Variants in KRT222 observed in about 807,000 individuals in gnomAD.
KRT222 encodes keratin-like protein KRT222.
A neutral mutation model predicts 35.0 loss-of-function variants in KRT222; 23 were observed. The observed-to-expected ratio is 0.66, with a 90% confidence interval of 0.47 to 0.93. The LOEUF (loss-of-function observed/expected upper bound fraction) is 0.93. Among genes scored for constraint, KRT222 ranks in the 40% least tolerant of loss-of-function variants. The pLI is 0.00. For synonymous variants in KRT222, 108 were observed against 118.8 expected (o/e 0.91, Z 0.59); for missense variants, 339 against 346.3 (o/e 0.98, Z 0.17).
Position 40,657,765 on chromosome 17 carries a change from AATTTT to A in KRT222, c.447-20_447-16del. ...AACCATAATATCTGAAATCAGAAAG[AATTTT>A]ATTTTAAGAGCAACACTGTATCAGC... On this transcript the variant is annotated splice_polypyrimidine_tract_variant and intron_variant, in intron 3 of 5. Coordinates refer to ENST00000394052, the MANE Select transcript of KRT222 (RefSeq NM_152349.3). 6.3e-7 allele frequency: 1 copy of A among 1,577,392 alleles called. No homozygotes were observed. Among genetic ancestry groups the A allele is most frequent in the Non-Finnish European group, 8.7e-7 (1 of 1,148,752 alleles).
chr17:40,663,658 T>A (rs1483316946), intron 1 of KRT222, among the ~76,000 whole-genome samples: 4 of 152,172 alleles, frequency 2.6e-5, no homozygotes, highest in South Asian at 4.1e-4. Context: ...TTTAGAAATT[T>A]AAAAAAATAA....
At chr17:40,662,395 G>C (rs952894700) in intron 1 of KRT222, among the ~76,000 whole-genome samples, 1 of 152,168 alleles carries the variant, frequency 6.6e-6, no homozygotes, top group African/African-American at 2.4e-5. Context: ...CTAGGAGGAA[G>C]GATTGAAAAT....
chr17:40,656,561 C>T lies in KRT222; in HGVS notation c.729G>A (p.Arg243=), dbSNP rs200149903. Residue 243 remains arginine, a synonymous_variant, in exon 6 of 6, where the codon AGG becomes AGA. Transcript: ENST00000394052. ...GSFFKDNPRL[R]KKSVSLRFDL... is the part of the protein sequence containing the mutation. ...CAAATCGAAGAGAAACAGACTTTTT[C>T]CTCAATCGAGGGTTATCTTTAAAGA... 6.2e-7 allele frequency: 1 copy of T among 1,613,788 alleles called. No homozygotes were observed. The highest frequency in any genetic ancestry group is 8.5e-7 in the Non-Finnish European group (1 of 1,179,806).
intron 2 of KRT222, 80 bp from the exon 3 acceptor site, chr17:40,660,287 T>A: frequency 9.4e-7 from 1 of 1,066,870 alleles, no homozygotes; most frequent in Non-Finnish European, 1.3e-6. Flanking sequence ...TCTTCATCTT[T>A]TTTTTTTTTT....
intron 4 of KRT222, 88 bp from the exon 5 acceptor site, chr17:40,657,575 T>C: frequency 1.4e-6 from 2 of 1,399,038 alleles, no homozygotes; most frequent in Non-Finnish European, 1.9e-6. Flanking sequence ...AAATATTGCT[T>C]GTTTTTTTTC....
rs909027230 is a variant in KRT222 at position 40,655,039 on chromosome 17, A to G, written c.*1363T>C. The G allele has an allele frequency of 2.7e-5, 4 of 146,658 alleles. No individual in the cohort carries two copies. Among genetic ancestry groups the G allele is most frequent in the African/African-American group, 1.0e-4 (4 of 40,148 alleles). The allele number at this position is 146,658 out of a possible 1,614,324, so 9.1% of individuals were successfully genotyped here. The stretch of plus-strand genomic sequence containing the variant: ...TTTTCTGGTTGAAATATATATATAC[A>G]TATATATAAATTATATATATGTATA... On this transcript the variant is annotated 3_prime_UTR_variant, in exon 6 of 6. Transcript: ENST00000394052.
chr17:40,663,029 A>G (rs2037393912), intron 1 of KRT222, among the ~76,000 whole-genome samples: 1 of 152,208 alleles, frequency 6.6e-6, no homozygotes, highest in South Asian at 2.1e-4. Context: ...AAATTCGTAC[A>G]TTTCTTTTGG....
chr17:40,660,565 C>CACCGCGCCTGGCT (rs1196890712), intron 2 of KRT222, among the ~76,000 whole-genome samples: 3 of 152,122 alleles, frequency 2.0e-5, no homozygotes, highest in African/African-American at 7.2e-5. Flanking sequence ...AGGCTTGAGC[C>CACCGCGCCTGGCT]ACCGCGCCTG....
In KRT222 at chr17:40,660,201, C is replaced by A; in HGVS notation, c.232G>T (p.Gly78Cys). Residue 78 changes from glycine (G) to cysteine (C), a missense_variant, in exon 3 of 6, where the codon GGC (glycine) becomes TGC (cysteine). Gly to Cys is a radical substitution (Grantham distance 159). Coordinates refer to ENST00000394052, the MANE Select transcript of KRT222 (RefSeq NM_152349.3). ...EIESLHAVER[G>C]LENSLHASEQ... ...CTGGCATGTAGGGAGTTTTCAAGGC[C>A]CCTTTCCTGTTTTATATAGATTTTC... The A allele has an allele frequency of 6.2e-7, 1 of 1,612,816 alleles. No homozygotes were observed. The highest frequency in any genetic ancestry group is 8.5e-7 in the Non-Finnish European group (1 of 1,179,536).
At chr17:40,661,626 T>C (rs755637615) in intron 2 of KRT222, among the ~76,000 whole-genome samples, 4 of 152,206 alleles carry the variant, frequency 2.6e-5, no homozygotes, top group Non-Finnish European at 5.9e-5. Context: ...GTTAAGACTT[T>C]GGATAATAAC....
rs1332316393 is a variant in KRT222, at chr17:40,656,612, T to C, written c.678A>G (p.Glu226=). Residue 226 remains glutamate, a synonymous_variant, in exon 6 of 6, where the codon GAA becomes GAG. Transcript: ENST00000394052. ...AAGAACCTTCCCATTCTTTAATAAC[T>C]TCATCCACTTTCTCTGTCCTGAAAT... is the stretch of plus-strand genomic sequence containing the variant. The part of the protein sequence containing the change: ...HGTIQTEKVD[E]VIKEWEGSFF... 6.3e-7 allele frequency: 1 copy of C among 1,599,108 alleles called. No homozygotes were observed. The highest frequency in any genetic ancestry group is 1.1e-5 in the South Asian group (1 of 90,808).
Position 40,657,763 on chromosome 17 carries a change from A to C in KRT222, c.447-13T>G. 1 of 1,582,006 alleles carries C rather than the reference A, an allele frequency of 6.3e-7. No individual in the cohort carries two copies. The stretch of plus-strand genomic sequence containing the variant: ...ACAACCATAATATCTGAAATCAGAA[A>C]GAATTTTATTTTAAGAGCAACACTG... On this transcript the variant is annotated splice_polypyrimidine_tract_variant and intron_variant, in intron 3 of 5. Transcript: ENST00000394052.
In KRT222 at chr17:40,656,412, G is replaced by A; in HGVS notation, c.878C>T (p.Thr293Ile). The A allele has an allele frequency of 6.2e-7, 1 of 1,612,028 alleles. No individual in the cohort carries two copies. Among genetic ancestry groups the A allele is most frequent in the Non-Finnish European group, 8.5e-7 (1 of 1,178,200 alleles). ...CSIPSIKPPS[T>I]AN is the part of the protein sequence containing the mutation. ...AATACTATCTTTGGATTAATTAGCTGTTGATGGAGGTTTGATAGAGGGAAT... is the reference window on the plus strand; with the variant it reads ...AATACTATCTTTGGATTAATTAGCTATTGATGGAGGTTTGATAGAGGGAAT... The change falls in exon 6 of 6, where the codon ACA becomes ATA. Residue 293 changes from threonine to isoleucine, a missense_variant. Thr to Ile is a moderately conservative substitution (Grantham distance 89). Transcript: ENST00000394052.
chr17:40,662,765 T>C (rs796710218), intron 1 of KRT222, among the ~76,000 whole-genome samples: 1 of 152,312 alleles, frequency 6.6e-6, no homozygotes, highest in South Asian at 2.1e-4. Flanking sequence ...GCTTTAAATG[T>C]TTTTATGTTG....
intron 4 of KRT222, 93 bp downstream of exon 4, chr17:40,657,581 T>C: frequency 6.7e-7 from 1 of 1,496,470 alleles, no homozygotes; most frequent in South Asian, 1.2e-5. Context: ...TGCTTGTTTT[T>C]TTTCGACTTT....
chr17:40,657,467 A>G lies in KRT222; in HGVS notation c.544T>C (p.Phe182Leu). ...LPSAIINEIS[F>L]TTKVPQKYEN... ...TACTTTTGTGGGACTTTTGTAGTAA[A>G]AGATATTTCATTTATAATGGCTGTG... is the stretch of plus-strand genomic sequence containing the variant. Residue 182 changes from phenylalanine (F) to leucine (L), a missense_variant, in exon 5 of 6, where the codon TTT becomes CTT. Physicochemically the swap from Phe to Leu is conservative, Grantham distance 22. Transcript: ENST00000394052. 6.2e-7 allele frequency: 1 copy of G among 1,601,698 alleles called. No individual in the cohort carries two copies. The highest frequency in any genetic ancestry group is 8.5e-7 in the Non-Finnish European group (1 of 1,172,808).
At chr17:40,660,775 A>G (rs1209289983) in intron 2 of KRT222, among the ~76,000 whole-genome samples, 3 of 151,774 alleles carry the variant, frequency 2.0e-5, no homozygotes, top group Non-Finnish European at 4.4e-5. Flanking sequence ...AATCCTCTGC[A>G]GTGTGATTAA....
In KRT222 at chr17:40,662,019, A is replaced by AT. The variant is rs748510701; in HGVS notation, c.121dup (p.Met41AsnfsTer5). On this transcript the variant is annotated frameshift_variant, in exon 2 of 6. Transcript: ENST00000394052. LOFTEE classifies it high-confidence loss of function. ...CTTCAAAGCCTCTTCATCTTTGTCC[A>AT]TTTTTTTGCTTATGTCTTCTTCTAG... 1.2e-5 allele frequency: 19 copies of AT among 1,613,894 alleles called. No homozygotes were observed. Among genetic ancestry groups the AT allele is most frequent in the East Asian group, 6.7e-5 (3 of 44,860 alleles).
At chr17:40,657,253 G>A in intron 5 of KRT222, 99 bp downstream of exon 5, 1 of 816,346 alleles carries the variant, frequency 1.2e-6, no homozygotes, top group Non-Finnish European at 1.7e-6. Flanking sequence ...ACTATGTTTG[G>A]AAACATTTAA....
Sources: allele counts gnomAD v4.1 joint callset (sites outside exome capture counted in the v4.1 genomes callset), GRCh38; gene constraint gnomAD v4.1.1; transcripts MANE v1.5; gene names NCBI Gene and HGNC (gene_info 2026-07-23, HGNC 2026-07-21).